The following AUTS2 variants were observed in gnomAD, a reference collection of about 807,000 sequenced individuals.
The protein encoded by AUTS2 is autism susceptibility gene 2 protein.
In AUTS2, 17 loss-of-function variants were observed where a neutral mutation model predicts 112.4. That is an observed-to-expected ratio of 0.15 (90% confidence interval 0.10 to 0.23). The LOEUF is 0.23. AUTS2 is among the 10% of genes least tolerant of loss of function. The pLI, the probability that AUTS2 is intolerant of heterozygous loss-of-function variation, is 1.00. For missense variants in AUTS2, 1,510 were observed against 1,701.6 expected, an observed-to-expected ratio of 0.89 and a Z score of 1.98; for synonymous variants, 751 against 702.7, an observed-to-expected ratio of 1.07 and a Z score of -1.09.
chr7:70,266,995 A>G (rs1055804205), intron 4 of AUTS2, among the ~76,000 whole-genome samples: 1 of 152,122 alleles, frequency 6.6e-6, no homozygotes, highest in African/African-American at 2.4e-5. Flanking sequence ...TCTCAATTCT[A>G]TTGTTGGTGA....
At chr7:69,885,061 G>GT (rs1278570493) in intron 1 of AUTS2, among the ~76,000 whole-genome samples, 1 of 152,196 alleles carries the variant, frequency 6.6e-6, no homozygotes, top group Non-Finnish European at 1.5e-5. Context: ...GGGAAGGCAA[G>GT]TACAGAGTCA....
intron 1 of AUTS2, among the ~76,000 whole-genome samples, chr7:69,783,353 T>C (rs148654010): frequency 6.6e-6 from 1 of 152,264 alleles, no homozygotes; most frequent in African/African-American, 2.4e-5. Flanking sequence ...ACTGTGGTCC[T>C]TGTAACCACA....
chr7:69,670,765 G>A (rs921028011), intron 1 of AUTS2, among the ~76,000 whole-genome samples: 5 of 152,014 alleles, frequency 3.3e-5, no homozygotes, highest in African/African-American at 1.2e-4. Flanking sequence ...TTGGGAAGCT[G>A]AAGTGGGAGG....
intron 5 of AUTS2, among the ~76,000 whole-genome samples, chr7:70,658,679 G>A (rs1414020281): frequency 1.3e-5 from 2 of 152,214 alleles, no homozygotes; most frequent in Non-Finnish European, 2.9e-5. Flanking sequence ...CAACAGCCCA[G>A]TGTCTTGGAA....
intron 1 of AUTS2, among the ~76,000 whole-genome samples, chr7:69,855,745 AG>A (rs1374385361): frequency 1.3e-5 from 2 of 152,172 alleles, no homozygotes; most frequent in African/African-American, 4.8e-5. Context: ...GCCTTCAGGT[AG>A]GTAGATATTT....
At chr7:70,310,592 G>A (rs1394754258) in intron 4 of AUTS2, among the ~76,000 whole-genome samples, 2 of 149,686 alleles carry the variant, frequency 1.3e-5, no homozygotes, top group African/African-American at 5.0e-5. Flanking sequence ...CAGCCTGGGC[G>A]ACTGAGCGAG....
chr7:69,987,004 G>A (rs1173279519), intron 2 of AUTS2, among the ~76,000 whole-genome samples: 2 of 152,174 alleles, frequency 1.3e-5, no homozygotes, highest in Admixed American at 1.3e-4. Context: ...TGCAGAGCTG[G>A]AATTTGGACT....
At chr7:70,642,843 C>T (rs1805917664) in intron 5 of AUTS2, among the ~76,000 whole-genome samples, 1 of 152,162 alleles carries the variant, frequency 6.6e-6, no homozygotes, top group Non-Finnish European at 1.5e-5. Context: ...CTCTTGACCC[C>T]ATTCACTTGT....
chr7:70,628,328 A>G (rs1325787466), intron 5 of AUTS2, among the ~76,000 whole-genome samples: 3 of 25,510 alleles, frequency 1.2e-4, no homozygotes, highest in Non-Finnish European at 6.5e-5. Flanking sequence ...ATATATATAT[A>G]CATATATATA....
chr7:69,822,870 A>G (rs1187481021), intron 1 of AUTS2, among the ~76,000 whole-genome samples: 16 of 152,174 alleles, frequency 1.1e-4, no homozygotes, highest in East Asian at 1.9e-4. Context: ...GAAGGTTGCA[A>G]TTTTAGAAAT....
intron 1 of AUTS2, among the ~76,000 whole-genome samples, chr7:69,791,325 G>A (rs1026138147): frequency 2.0e-5 from 3 of 152,196 alleles, no homozygotes; most frequent in African/African-American, 4.8e-5. Context: ...AATGATTACA[G>A]CGACAATGCT....
At chr7:69,632,861 A>C (rs901893903) in intron 1 of AUTS2, among the ~76,000 whole-genome samples, 41 of 152,208 alleles carry the variant, frequency 2.7e-4, no homozygotes, top group Admixed American at 2.2e-3. Context: ...TTATTTTTAA[A>C]ATAAGTTTCA....
At chr7:69,743,347 T>C (rs1028508476) in intron 1 of AUTS2, among the ~76,000 whole-genome samples, 1 of 152,212 alleles carries the variant, frequency 6.6e-6, no homozygotes, top group Non-Finnish European at 1.5e-5. Flanking sequence ...GGCTTCCTTC[T>C]GTACCATATT....
intron 5 of AUTS2, among the ~76,000 whole-genome samples, chr7:70,668,620 T>TA (rs1403059683): frequency 1.3e-5 from 2 of 152,224 alleles, no homozygotes; most frequent in African/African-American, 4.8e-5. Flanking sequence ...CATGTTCTGC[T>TA]AAAACAGACC....
At chr7:70,052,990 C>T (rs1342674644) in intron 2 of AUTS2, among the ~76,000 whole-genome samples, 1 of 152,160 alleles carries the variant, frequency 6.6e-6, no homozygotes, top group Non-Finnish European at 1.5e-5. Flanking sequence ...TGAGATTGTT[C>T]AAGCACAGCT....
At chr7:69,628,372 C>A (rs897296415) in intron 1 of AUTS2, among the ~76,000 whole-genome samples, 3 of 152,104 alleles carry the variant, frequency 2.0e-5, no homozygotes, top group Non-Finnish European at 4.4e-5. Flanking sequence ...AAAATGTTTT[C>A]TGTAGCTTCT....
chr7:70,475,956 G>A (rs1797566804), intron 5 of AUTS2, among the ~76,000 whole-genome samples: 2 of 152,138 alleles, frequency 1.3e-5, no homozygotes, highest in African/African-American at 4.8e-5. Flanking sequence ...TAGAGCCCAG[G>A]AGGTGAAGGC....
chr7:70,712,231 G>C lies in AUTS2; in HGVS notation c.742+13611G>C, dbSNP rs563169637. On this transcript the variant is annotated intron_variant, in intron 6 of 18. Transcript: ENST00000342771. ...TTTTTTTTTTTTTTTTTTTTTTGCA[G>C]AGACAGGGTTTCACCACATTGCCCA... is the stretch of plus-strand genomic sequence containing the variant. Among the ~76,000 whole-genome samples the C allele has an allele frequency of 5.6e-5, 5 of 89,472 alleles. No individual in the cohort carries two copies. The East Asian group carries it at 1.7e-3, about 31-fold the overall frequency. 58.7% of individuals were successfully genotyped at this position (89,472 alleles called of 152,430 possible).
At chr7:70,760,082 T>C (rs1187782619) in intron 6 of AUTS2, among the ~76,000 whole-genome samples, 1 of 151,912 alleles carries the variant, frequency 6.6e-6, no homozygotes, top group Non-Finnish European at 1.5e-5. Flanking sequence ...CTCAGCTCAC[T>C]GCAACCTCTG....
Sources: gnomAD v4.1 joint callset for allele counts (sites outside exome capture counted in the v4.1 genomes callset) on GRCh38, gnomAD v4.1.1 for gene constraint, MANE v1.5 for transcripts, NCBI Gene and HGNC (gene_info 2026-07-23, HGNC 2026-07-21) for gene names.